Variants in TPO observed in about 807,000 individuals in gnomAD.
The protein encoded by TPO is thyroid peroxidase.
In TPO, 78 loss-of-function variants were observed where a neutral mutation model predicts 96.9. The ratio of observed to expected loss-of-function variants is 0.81; its 90% CI spans 0.67 to 0.97. The LOEUF is 0.97. Among genes scored for constraint, TPO ranks in the 50% least tolerant of loss-of-function variants. TPO has a pLI of 0.00. For missense variants in TPO, 1,252 were observed against 1,274.8 expected (o/e 0.98, Z 0.27); for synonymous variants, 547 against 538.0 (o/e 1.02, Z -0.23).
At chr2:1,504,552 C>A (rs1673212932) in intron 14 of TPO, among the ~76,000 whole-genome samples, 1 of 152,234 alleles carries the variant, frequency 6.6e-6, no homozygotes, top group Non-Finnish European at 1.5e-5. Flanking sequence ...GGCCTGGGTG[C>A]TCAACATCTG....
intron 1 of TPO, among the ~76,000 whole-genome samples, chr2:1,390,697 T>C (rs897494683): frequency 1.3e-5 from 2 of 152,192 alleles, no homozygotes; most frequent in Admixed American, 1.3e-4. Flanking sequence ...ATCTGTTGTT[T>C]CCTAACTTTT....
At chr2:1,533,299 A>C (rs1573622657) in intron 15 of TPO, among the ~76,000 whole-genome samples, 1 of 30,082 alleles carries the variant, frequency 3.3e-5, no homozygotes, top group African/African-American at 1.9e-4. Flanking sequence ...AATCTCCCCA[A>C]ATCCCCCCCA....
chr2:1,478,233 T>C lies in TPO; in HGVS notation c.1338+629T>C, dbSNP rs114564545. The C allele has an allele frequency of 8.4e-4, 826 of 985,382 alleles. 1 individual carries two copies. The African/African-American group carries it at 0.011, about 13-fold the overall frequency. 61.0% of individuals were successfully genotyped at this position (985,382 alleles called of 1,614,324 possible). ...AGTTGGCCTTTTATTAATTGTGTGA[T>C]GGAGAAAAGCACTTATGCACCTGGA... On this transcript the variant is annotated intron_variant, in intron 8 of 16. Coordinates refer to ENST00000329066, the MANE Select transcript of TPO (RefSeq NM_001206744.2).
At chr2:1,512,335 G>C (rs1348976882) in intron 14 of TPO, 2 of 945,386 alleles carry the variant, frequency 2.1e-6, no homozygotes, top group South Asian at 9.8e-5. Flanking sequence ...CCCTCCCAGT[G>C]CTACCTCTTT....
At chr2:1,524,281 G>A (rs1020436853) in intron 15 of TPO, among the ~76,000 whole-genome samples, 4 of 129,002 alleles carry the variant, frequency 3.1e-5, no homozygotes, top group Admixed American at 8.3e-5. Context: ...TCCTCACAGT[G>A]AGCAACCTCC....
chr2:1,430,714 G>T (rs1483516563), intron 3 of TPO, among the ~76,000 whole-genome samples: 4 of 152,224 alleles, frequency 2.6e-5, no homozygotes, highest in Non-Finnish European at 5.9e-5. Context: ...TCACACCAGG[G>T]TACAGGACAC....
intron 5 of TPO, among the ~76,000 whole-genome samples, chr2:1,444,332 A>G (rs372310409): frequency 4.2e-4 from 44 of 104,720 alleles, no homozygotes; most frequent in South Asian, 6.6e-4. Flanking sequence ...GTATGATCCA[A>G]TCACTGCTGC....
intron 1 of TPO, among the ~76,000 whole-genome samples, chr2:1,394,531 T>C (rs1662050085): frequency 6.6e-6 from 1 of 152,168 alleles, no homozygotes; most frequent in South Asian, 2.1e-4. Context: ...TCTCCAGGAA[T>C]GCTCCTTTAA....
chr2:1,432,410 G>A lies in TPO; in HGVS notation c.180-1028G>A, dbSNP rs571211402. 6.6e-5 allele frequency among the ~76,000 whole-genome samples: 10 copies of A among 152,356 alleles called. No individual in the cohort carries two copies. The South Asian group carries it at 1.0e-3, about 16-fold the overall frequency. On this transcript the variant is annotated intron_variant, in intron 3 of 16. Coordinates refer to ENST00000329066, the MANE Select transcript of TPO (RefSeq NM_001206744.2). ...AGTTGTGAAACCTTGGATTGGTTCC[G>A]TGTAGCTGCTGCTGCTGAGAATCTA...
At chr2:1,384,278 C>T (rs28823731) in intron 1 of TPO, among the ~76,000 whole-genome samples, 15,414 of 152,124 alleles carry the variant, frequency 0.1, 1,484 homozygotes, top group African/African-American at 0.25. Flanking sequence ...GGGGATGGCA[C>T]TGAATCTATA....
At chr2:1,530,879 A>G (rs1303400352) in intron 15 of TPO, among the ~76,000 whole-genome samples, 1 of 110,712 alleles carries the variant, frequency 9.0e-6, no homozygotes, top group Non-Finnish European at 1.8e-5. Flanking sequence ...AACCTCCGCA[A>G]ATCCCCCCAC....
chr2:1,392,873 A>G (rs1476455203), intron 1 of TPO, among the ~76,000 whole-genome samples: 1 of 151,894 alleles, frequency 6.6e-6, no homozygotes, highest in Admixed American at 6.6e-5. Context: ...CATCTATTTG[A>G]TTCTTCTCTC....
In TPO at chr2:1,395,724, G is replaced by A. The variant is rs549643675; in HGVS notation, n.180+21322G>A. Among the ~76,000 whole-genome samples the A allele has an allele frequency of 1.4e-4, 18 of 130,788 alleles. No homozygotes were observed. In the South Asian group the frequency reaches 1.7e-3, roughly 12 times the overall value. 85.8% of individuals were successfully genotyped at this position (130,788 alleles called of 152,430 possible). A position where few individuals can be genotyped will look rare whatever the true frequency, so the allele number is the denominator to read the frequency against. On this transcript the variant is annotated intron_variant and non_coding_transcript_variant, in intron 1 of 5. Transcript: ENST00000497517. ...CATGGGGGTGGGTTTTTCTCATGCC[G>A]TTCTAGTGATAGTGTGTTCTAGTGA...
intron 5 of TPO, among the ~76,000 whole-genome samples, chr2:1,450,272 G>C (rs1308753195): frequency 1.2e-4 from 19 of 152,224 alleles, no homozygotes; most frequent in Admixed American, 1.2e-3. Flanking sequence ...TGCGGCCTCA[G>C]TCCACAGCTT....
At chr2:1,530,737 A>T (rs1677935797) in intron 15 of TPO, among the ~76,000 whole-genome samples, 1 of 72,014 alleles carries the variant, frequency 1.4e-5, no homozygotes, top group Non-Finnish European at 2.5e-5. Flanking sequence ...CAACCTCCTC[A>T]AATCCCCCCC....
intron 3 of TPO, among the ~76,000 whole-genome samples, chr2:1,429,210 C>T (rs911777696): frequency 1.3e-5 from 2 of 151,482 alleles, no homozygotes; most frequent in Admixed American, 1.3e-4. Flanking sequence ...ATCTCCCCCA[C>T]TCTACTCTCC....
intron 14 of TPO, among the ~76,000 whole-genome samples, chr2:1,514,301 C>T (rs1674461577): frequency 6.6e-6 from 1 of 152,224 alleles, no homozygotes; most frequent in South Asian, 2.1e-4. Flanking sequence ...CCACAGATTC[C>T]AATGCTGATC....
chr2:1,495,453 G>A (rs1227789754), intron 11 of TPO, among the ~76,000 whole-genome samples: 2 of 152,228 alleles, frequency 1.3e-5, no homozygotes, highest in Non-Finnish European at 2.9e-5. Context: ...GGAAGAAGCT[G>A]AAGGTAGAGA....
intron 15 of TPO, among the ~76,000 whole-genome samples, chr2:1,535,609 C>G (rs1205485785): frequency 3.0e-5 from 2 of 65,624 alleles, no homozygotes; most frequent in East Asian, 1.3e-3. Context: ...CAAATTGCCC[C>G]GCAGTGTACA....
Sources: allele counts gnomAD v4.1 joint callset (sites outside exome capture counted in the v4.1 genomes callset), GRCh38; gene constraint gnomAD v4.1.1; transcripts MANE v1.5; gene names NCBI Gene and HGNC (gene_info 2026-07-23, HGNC 2026-07-21).